SPDYE9: variants seen among roughly 807,000 people sequenced by gnomAD.
SPDYE9 encodes the protein Williams Beuren syndrome chromosome region 19 pseudogene.
At chr7:73,083,445 G>C (rs1170534113) in intron 2 of SPDYE9, among the ~76,000 whole-genome samples, 3,931 of 24,254 alleles carry the variant, frequency 0.16, 11 homozygotes, top group East Asian at 0.34. Context: ...ACTGCAACAT[G>C]CATCTCCCGG....
chr7:73,083,734 CTTTTTTTTTTTTT>C (rs1311738954), intron 2 of SPDYE9, among the ~76,000 whole-genome samples: 4 of 10,380 alleles, frequency 3.9e-4, no homozygotes, highest in East Asian at 1.6e-3. Context: ...TTTTTTTCTT[CTTTTTTTTTTTTT>C]TTTTTTTTTT....
chr7:73,083,734 C>CTTTTTTTTTTT (rs1311738954), intron 2 of SPDYE9, among the ~76,000 whole-genome samples: 4 of 10,384 alleles, frequency 3.9e-4, no homozygotes, highest in Non-Finnish European at 4.3e-4. Flanking sequence ...TTTTTTTCTT[C>CTTTTTTTTTTT]TTTTTTTTTT....
chr7:73,083,626 G>T (rs1801477686), intron 2 of SPDYE9, among the ~76,000 whole-genome samples: 3 of 59,520 alleles, frequency 5.0e-5, no homozygotes, highest in Admixed American at 3.2e-4. Flanking sequence ...TTCCCAAAGT[G>T]CTGGGATTAC....
intron 2 of SPDYE9, among the ~76,000 whole-genome samples, chr7:73,083,709 A>C (rs1180067897): frequency 1.9e-4 from 3 of 15,834 alleles, no homozygotes; most frequent in Non-Finnish European, 2.4e-4. Context: ...CTCCTTCCTG[A>C]CCTCTGACCC....
At chr7:73,083,453 C>T (rs1469157480) in intron 2 of SPDYE9, among the ~76,000 whole-genome samples, 1 of 36,866 alleles carries the variant, frequency 2.7e-5, no homozygotes, top group Non-Finnish European at 6.9e-5. Flanking sequence ...ATGCATCTCC[C>T]GGATTCCAGT....
intron 2 of SPDYE9, among the ~76,000 whole-genome samples, chr7:73,083,722 CT>C (rs1801479530): frequency 1.3e-4 from 2 of 15,892 alleles, no homozygotes; most frequent in African/African-American, 3.9e-4. Flanking sequence ...TCTGACCCTT[CT>C]TTTTTTTCTT....
At chr7:73,083,734 C>CTTTT (rs1311738954) in intron 2 of SPDYE9, among the ~76,000 whole-genome samples, 5 of 10,384 alleles carry the variant, frequency 4.8e-4, no homozygotes, top group Admixed American at 2.3e-3. Context: ...TTTTTTTCTT[C>CTTTT]TTTTTTTTTT....
chr7:73,083,786 C>CT (rs1364601172), intron 2 of SPDYE9, among the ~76,000 whole-genome samples: 1 of 115,410 alleles, frequency 8.7e-6, no homozygotes, highest in Admixed American at 8.5e-5. Flanking sequence ...GCATCTCACT[C>CT]TGTCACCCAG....
At chr7:73,083,727 T>G (rs1484692892) in intron 2 of SPDYE9, among the ~76,000 whole-genome samples, 451 of 39,940 alleles carry the variant, frequency 0.011, no homozygotes, top group African/African-American at 0.018. Context: ...CCCTTCTTTT[T>G]TTTCTTCTTT....
At chr7:73,083,728 TTTC>T (rs1801479646) in intron 2 of SPDYE9, among the ~76,000 whole-genome samples, 1 of 45,716 alleles carries the variant, frequency 2.2e-5, no homozygotes, top group African/African-American at 1.0e-4. Context: ...CCTTCTTTTT[TTTC>T]TTCTTTTTTT....
intron 2 of SPDYE9, among the ~76,000 whole-genome samples, chr7:73,083,734 CTTTTTTT>C (rs1311738954): frequency 8.7e-4 from 9 of 10,378 alleles, no homozygotes; most frequent in Admixed American, 2.3e-3. Context: ...TTTTTTTCTT[CTTTTTTT>C]TTTTTTTTTT....
At chr7:73,083,454 G>A (rs1255138960) in intron 2 of SPDYE9, among the ~76,000 whole-genome samples, 1 of 30,558 alleles carries the variant, frequency 3.3e-5, no homozygotes, top group Admixed American at 3.1e-4. Context: ...TGCATCTCCC[G>A]GATTCCAGTT....
At chr7:73,083,814 C>T (rs1256989429) in intron 2 of SPDYE9, among the ~76,000 whole-genome samples, 16 of 111,174 alleles carry the variant, frequency 1.4e-4, no homozygotes, top group Admixed American at 7.3e-4. Context: ...TGCAGTAGCA[C>T]GATCTCGGCT....
intron 2 of SPDYE9, among the ~76,000 whole-genome samples, chr7:73,083,813 A>T (rs1801481324): frequency 1.8e-5 from 2 of 110,542 alleles, no homozygotes; most frequent in African/African-American, 7.0e-5. Context: ...GTGCAGTAGC[A>T]CGATCTCGGC....
At chr7:73,083,333 C>A (rs1801475793) in intron 2 of SPDYE9, among the ~76,000 whole-genome samples, 1 of 73,502 alleles carries the variant, frequency 1.4e-5, no homozygotes, top group Non-Finnish European at 3.1e-5. Context: ...CTTCCCTGGT[C>A]CCTGGCTCTC....
rs1410560985 is a variant in SPDYE9, at chr7:73,085,896, AAC to A, written c.-454+19_-454+20del. ...AACTACATCTCAAAAAAAAAAAAAAAACAAAAAAAACAAAAAGAACCTGTGGA... is the reference window on the plus strand; with the variant it reads ...AACTACATCTCAAAAAAAAAAAAAAAAAAAAAAACAAAAAGAACCTGTGGA... On this transcript the variant is annotated intron_variant, in intron 1 of 7. Transcript: ENST00000575125. 20 of 8,762 alleles carry A rather than the reference AAC, an allele frequency of 2.3e-3. 2 individuals carry two copies. The highest frequency in any genetic ancestry group is 0.031 in the Middle Eastern group (1 of 32). The allele number at this position is 8,762 out of a possible 1,614,324, so 0.5% of individuals were successfully genotyped here.
intron 2 of SPDYE9, among the ~76,000 whole-genome samples, chr7:73,083,604 G>A (rs1371391529): frequency 6.9e-5 from 4 of 58,280 alleles, no homozygotes; most frequent in Non-Finnish European, 1.1e-4. Flanking sequence ...CAAGTGATCC[G>A]CCTGCCTTGG....
Sources: gnomAD v4.1 joint callset for allele counts (sites outside exome capture counted in the v4.1 genomes callset) on GRCh38, gnomAD v4.1.1 for gene constraint, MANE v1.5 for transcripts, NCBI Gene and HGNC (gene_info 2026-07-23, HGNC 2026-07-21) for gene names.